Variants in UBE3D observed in about 807,000 individuals in gnomAD.
UBE3D encodes the protein E3 ubiquitin-protein ligase E3D.
Under a neutral mutation model 49.6 loss-of-function variants are expected in UBE3D, and 48 were observed. That is an observed-to-expected ratio of 0.97 (90% CI 0.77 to 1.23). The LOEUF is 1.23. UBE3D is among the 50% of genes most tolerant of loss of function. UBE3D has a pLI of 0.00. For synonymous variants in UBE3D, 189 were observed against 174.2 expected (o/e 1.08, Z -0.67); for missense variants, 452 against 468.4 (o/e 0.96, Z 0.32).
At chr6:82,899,387 A>G (rs1250500107) in intron 9 of UBE3D, among the ~76,000 whole-genome samples, 1 of 152,162 alleles carries the variant, frequency 6.6e-6, no homozygotes, top group Non-Finnish European at 1.5e-5. Flanking sequence ...GAACTTTTAA[A>G]AGGTAGAAAG....
At chr6:82,978,680 T>C (rs1489752363) in intron 8 of UBE3D, among the ~76,000 whole-genome samples, 1 of 152,182 alleles carries the variant, frequency 6.6e-6, no homozygotes, top group Non-Finnish European at 1.5e-5. Flanking sequence ...CAGTCTATTA[T>C]GATAAATCAC....
chr6:82,973,752 G>A (rs1490856708), intron 8 of UBE3D, among the ~76,000 whole-genome samples: 2 of 152,106 alleles, frequency 1.3e-5, no homozygotes, highest in Non-Finnish European at 2.9e-5. Context: ...CTGGACCACA[G>A]ACCAATACTG....
At position 82,967,224 on chromosome 6, in the gene UBE3D, C is replaced by T. The variant is rs561006817; in HGVS notation, c.1011-9774G>A. 1.3e-5 allele frequency among the ~76,000 whole-genome samples: 2 copies of T among 152,322 alleles called. 1 individual carries two copies. Among genetic ancestry groups the T allele is most frequent in the African/African-American group, 4.8e-5 (2 of 41,562 alleles). On this transcript the variant is annotated intron_variant, in intron 8 of 9. Transcript: ENST00000369747. Reference sequence around the variant, plus strand: ...ACAGAGATGCTGTCTATCCTTCACCCTGCTTCCCCTAATGGTAACATTCTG... The same window carrying T: ...ACAGAGATGCTGTCTATCCTTCACCTTGCTTCCCCTAATGGTAACATTCTG...
intron 9 of UBE3D, among the ~76,000 whole-genome samples, chr6:82,923,216 C>T (rs1228058849): frequency 3.3e-5 from 5 of 152,134 alleles, no homozygotes; most frequent in Non-Finnish European, 7.4e-5. Flanking sequence ...TGGGTATATA[C>T]CCAAAGGATT....
At chr6:82,908,968 T>C (rs73475794) in intron 9 of UBE3D, among the ~76,000 whole-genome samples, 6,016 of 152,222 alleles carry the variant, frequency 0.04, 386 homozygotes, top group African/African-American at 0.14. Context: ...GCATTTCACT[T>C]GCCCCTCTCT....
At chr6:82,943,516 G>C (rs1161870706) in intron 9 of UBE3D, among the ~76,000 whole-genome samples, 1 of 152,032 alleles carries the variant, frequency 6.6e-6, no homozygotes, top group Non-Finnish European at 1.5e-5. Flanking sequence ...TGTACCCGTA[G>C]TCCCAGCTAC....
intron 5 of UBE3D, among the ~76,000 whole-genome samples, chr6:83,026,661 A>G (rs562811238): frequency 7.9e-5 from 12 of 152,086 alleles, no homozygotes; most frequent in Non-Finnish European, 1.8e-4. Context: ...GGACTAAACT[A>G]AACCTTTTTA....
At chr6:82,989,604 C>G (rs1778747899) in intron 8 of UBE3D, among the ~76,000 whole-genome samples, 1 of 152,088 alleles carries the variant, frequency 6.6e-6, no homozygotes, top group Non-Finnish European at 1.5e-5. Context: ...TACAAATAGA[C>G]ATGGCTGTAT....
chr6:83,002,364 C>G (rs543737603), intron 8 of UBE3D, among the ~76,000 whole-genome samples: 1 of 152,058 alleles, frequency 6.6e-6, no homozygotes, highest in African/African-American at 2.4e-5. Flanking sequence ...ATGGCTCTGC[C>G]CTCATGGATG....
intron 9 of UBE3D, among the ~76,000 whole-genome samples, chr6:82,899,149 G>A (rs567314224): frequency 2.8e-4 from 43 of 152,228 alleles, no homozygotes; most frequent in African/African-American, 5.1e-4. Flanking sequence ...GGCATGCCAC[G>A]GAGTTTGGCA....
chr6:82,989,681 CT>C (rs761969745), intron 8 of UBE3D, among the ~76,000 whole-genome samples: 11 of 152,290 alleles, frequency 7.2e-5, no homozygotes, highest in African/African-American at 2.2e-4. Flanking sequence ...TTGCCTACCC[CT>C]GATCTAAAGC....
At chr6:82,903,301 G>T (rs998699038) in intron 9 of UBE3D, among the ~76,000 whole-genome samples, 4 of 152,000 alleles carry the variant, frequency 2.6e-5, no homozygotes, top group Non-Finnish European at 4.4e-5. Flanking sequence ...CCATTTTTTT[G>T]AGAAGAAAGT....
At chr6:83,021,628 A>T (rs1407131653) in intron 7 of UBE3D, among the ~76,000 whole-genome samples, 2 of 152,180 alleles carry the variant, frequency 1.3e-5, no homozygotes, top group East Asian at 3.9e-4. Context: ...GCATTTTGGG[A>T]GGCCGAGGTG....
Position 83,040,401 on chromosome 6 carries a change from C to CTA in UBE3D, c.598-1917_598-1916insTA, listed in dbSNP as rs764143727. ...TGACTCTCTCTCTCTCTCTCTCTCT[C>CTA]TCTATATATATATATATTCAATCAG... On this transcript the variant is annotated intron_variant, in intron 4 of 9. Transcript: ENST00000369747. 4.0e-3 allele frequency among the ~76,000 whole-genome samples: 552 copies of CTA among 137,298 alleles called. 2 individuals carry two copies. Among genetic ancestry groups the CTA allele is most frequent in the Non-Finnish European group, 6.2e-3 (396 of 63,980 alleles). 90.1% of individuals were successfully genotyped at this position (137,298 alleles called of 152,430 possible).
chr6:82,965,583 C>CAAAAAAAAAA (rs35257086), intron 8 of UBE3D, among the ~76,000 whole-genome samples: 2 of 86,340 alleles, frequency 2.3e-5, no homozygotes, highest in Non-Finnish European at 4.6e-5. Flanking sequence ...AACTCCATCT[C>CAAAAAAAAAA]AAAAAAAAAA....
chr6:82,957,078 G>T (rs564416665), intron 9 of UBE3D, among the ~76,000 whole-genome samples: 1 of 152,030 alleles, frequency 6.6e-6, no homozygotes, highest in Non-Finnish European at 1.5e-5. Flanking sequence ...GCTGTGAGCC[G>T]AGATTGCACC....
chr6:83,015,740 A>G (rs913028560), intron 8 of UBE3D, among the ~76,000 whole-genome samples: 1 of 152,166 alleles, frequency 6.6e-6, no homozygotes, highest in African/African-American at 2.4e-5. Flanking sequence ...CCTGAGAAGA[A>G]TCAACATTAT....
At chr6:82,941,119 T>C (rs1258740003) in intron 9 of UBE3D, among the ~76,000 whole-genome samples, 4 of 151,888 alleles carry the variant, frequency 2.6e-5, no homozygotes, top group Admixed American at 6.6e-5. Flanking sequence ...GGCAGGAGAA[T>C]TGCTTGAACC....
chr6:83,015,170 C>G (rs187596279), intron 8 of UBE3D, among the ~76,000 whole-genome samples: 257 of 152,238 alleles, frequency 1.7e-3, no homozygotes, highest in African/African-American at 6.0e-3. Flanking sequence ...CAGAGAAGGG[C>G]AATTACGGGG....
Sources: allele counts gnomAD v4.1 joint callset (sites outside exome capture counted in the v4.1 genomes callset), GRCh38; gene constraint gnomAD v4.1.1; transcripts MANE v1.5; gene names NCBI Gene and HGNC (gene_info 2026-07-23, HGNC 2026-07-21).